The following TMCO1 variants were observed in gnomAD, a reference collection of about 807,000 sequenced individuals.
TMCO1 encodes calcium load-activated calcium channel.
In TMCO1, 29 loss-of-function variants were observed where a neutral mutation model predicts 29.3. That is an observed-to-expected ratio of 0.99 (90% CI 0.74 to 1.35). The LOEUF is 1.35. Ranked by LOEUF, TMCO1 falls within the 40% of genes most tolerant of loss-of-function variation. The pLI, the probability that TMCO1 is intolerant of heterozygous loss-of-function variation, is 0.00. For missense variants in TMCO1, 173 were observed against 225.5 expected, an observed-to-expected ratio of 0.77 and a Z score of 1.49; for synonymous variants, 80 against 77.1, an observed-to-expected ratio of 1.04 and a Z score of -0.20.
Position 165,768,279 on chromosome 1 carries a change from T to G in TMCO1, c.71-10A>C. ...AGGACCCAGGTTATGCCTAAAACAT[T>G]AAAAGCAACATGTTAATAGAGAAAT... On this transcript the variant is annotated splice_polypyrimidine_tract_variant and intron_variant, in intron 1 of 6. Transcript: ENST00000367881. 6.2e-7 allele frequency: 1 copy of G among 1,610,254 alleles called. No homozygotes were observed. Among genetic ancestry groups the G allele is most frequent in the Non-Finnish European group, 8.5e-7 (1 of 1,176,622 alleles).
chr1:165,747,037 G>C (rs1651823819), intron 5 of TMCO1, among the ~76,000 whole-genome samples: 1 of 152,058 alleles, frequency 6.6e-6, no homozygotes, highest in Non-Finnish European at 1.5e-5. Context: ...GAGGCAGGTG[G>C]ATCACTTGAG....
chr1:165,726,102 ATGTTT>A, downstream of TMCO1: 1 of 697,176 alleles, frequency 1.4e-6, no homozygotes, highest in Middle Eastern at 3.7e-4. Flanking sequence ...GGATGGTTTC[ATGTTT>A]TATTTTAGCC....
chr1:165,724,820 CAT>C (rs1200443140), downstream of TMCO1: 1 of 453,724 alleles, frequency 2.2e-6, no homozygotes. Flanking sequence ...TCAGATTACA[CAT>C]ATTTTTTAAA....
At chr1:165,724,433 ACTT>A (rs1237485289), downstream of TMCO1, 1 of 454,014 alleles carries the variant, frequency 2.2e-6, no homozygotes, top group Non-Finnish European at 4.4e-6. Flanking sequence ...AAACAACACA[ACTT>A]CTTCAACAAA....
At chr1:165,743,134 T>C (rs772287678) in intron 6 of TMCO1, 33 bp downstream of exon 6, 1 of 1,612,474 alleles carries the variant, frequency 6.2e-7, no homozygotes, top group Non-Finnish European at 8.5e-7. Context: ...CAAGGAAAAA[T>C]ATACATATTA....
chr1:165,760,276 C>G (rs776120551), intron 2 of TMCO1, among the ~76,000 whole-genome samples: 3 of 151,840 alleles, frequency 2.0e-5, no homozygotes, highest in Admixed American at 6.6e-5. Flanking sequence ...AAAAAACATA[C>G]AAAAATTAGC....
intron 2 of TMCO1, among the ~76,000 whole-genome samples, chr1:165,766,631 T>C (rs139777732): frequency 7.3e-4 from 111 of 152,136 alleles, no homozygotes; most frequent in African/African-American, 2.5e-3. Context: ...CTCCAAAATA[T>C]CAGCCAGTCA....
intron 4 of TMCO1, among the ~76,000 whole-genome samples, chr1:165,753,345 C>T (rs931119580): frequency 6.6e-6 from 1 of 151,736 alleles, no homozygotes; most frequent in African/African-American, 2.4e-5. Flanking sequence ...TGGTGGCACA[C>T]GCCTGTAATC....
chr1:165,726,558 C>A (rs1558025793), downstream of TMCO1: 4 of 470,468 alleles, frequency 8.5e-6, no homozygotes, highest in Non-Finnish European at 1.7e-5. Context: ...TTACTAACCT[C>A]CCCTGCCCCA....
chr1:165,750,898 C>T lies in TMCO1; in HGVS notation c.323+1204G>A, dbSNP rs146563786. On this transcript the variant is annotated intron_variant, in intron 5 of 6. Transcript: ENST00000367881. ...CAGCCTGGCCAACATGGTGAAACCC[C>T]GTCTCTACCAAAAATACAAAAAGTA... Among the ~76,000 whole-genome samples the T allele has an allele frequency of 3.5e-3, 526 of 151,992 alleles. 5 individuals carry two copies. The highest frequency in any genetic ancestry group is 0.012 in the African/African-American group (496 of 41,444).
At chr1:165,752,790 G>A (rs1413356828) in intron 4 of TMCO1, among the ~76,000 whole-genome samples, 5 of 149,664 alleles carry the variant, frequency 3.3e-5, no homozygotes, top group South Asian at 2.1e-4. Context: ...GTGAGACTCC[G>A]TCTCAAAAAA....
At chr1:165,749,080 C>T (rs1651905157) in intron 5 of TMCO1, among the ~76,000 whole-genome samples, 1 of 152,178 alleles carries the variant, frequency 6.6e-6, no homozygotes, top group South Asian at 2.1e-4. Flanking sequence ...TTTATCCTTT[C>T]ACCTACCGAA....
intron 5 of TMCO1, among the ~76,000 whole-genome samples, chr1:165,747,827 A>T (rs1273290670): frequency 6.6e-6 from 1 of 152,186 alleles, no homozygotes; most frequent in Admixed American, 6.5e-5. Context: ...TCATCTGTAA[A>T]ATAAAGATTA....
chr1:165,724,948 G>A (rs1181856678), downstream of TMCO1: 4 of 451,790 alleles, frequency 8.9e-6, no homozygotes, highest in Admixed American at 4.7e-5. Context: ...ATTGTCGAAG[G>A]TGGAGGATGG....
At chr1:165,726,139 T>A (rs2101780460), downstream of TMCO1, 1 of 695,610 alleles carries the variant, frequency 1.4e-6, no homozygotes, top group East Asian at 2.7e-5. Context: ...GTCATTATTG[T>A]TATCATGGGC....
chr1:165,739,770 T>C (rs1340372558), intron 6 of TMCO1, among the ~76,000 whole-genome samples: 4 of 152,038 alleles, frequency 2.6e-5, no homozygotes, highest in African/African-American at 4.8e-5. Flanking sequence ...GCATCTAAGA[T>C]TACTATTGAT....
Position 165,727,311 on chromosome 1 carries a change from A to G in TMCO1, c.*712T>C, listed in dbSNP as rs1448089164. ...ATTTATATTTAATTTTTTTTCAGACATCAGTGTTACTTGCCAAGACCCTCA... is the reference window on the plus strand; with the variant it reads ...ATTTATATTTAATTTTTTTTCAGACGTCAGTGTTACTTGCCAAGACCCTCA... On this transcript the variant is annotated 3_prime_UTR_variant, in exon 7 of 7. Transcript: ENST00000367881. 1 of 452,580 alleles carries G rather than the reference A, an allele frequency of 2.2e-6. No individual in the cohort carries two copies. The highest frequency in any genetic ancestry group is 2.0e-5 in the African/African-American group (1 of 49,952). 28.0% of individuals were successfully genotyped at this position (452,580 alleles called of 1,614,324 possible). A position where few individuals can be genotyped will look rare whatever the true frequency, so the allele number is the denominator to read the frequency against.
intron 2 of TMCO1, 72 bp from the exon 3 acceptor site, chr1:165,759,656 G>C (rs1237370287): frequency 5.3e-6 from 7 of 1,309,810 alleles, no homozygotes; most frequent in Middle Eastern, 2.0e-4. Flanking sequence ...CTTTATCACA[G>C]CTGAACCAAT....
In TMCO1 at chr1:165,727,887, C is replaced by A. The variant is rs1244355082; in HGVS notation, c.*136G>T. 4.6e-6 allele frequency: 3 copies of A among 649,852 alleles called. No individual in the cohort carries two copies. The highest frequency in any genetic ancestry group is 5.5e-6 in the Non-Finnish European group (2 of 365,220). 40.3% of individuals were successfully genotyped at this position (649,852 alleles called of 1,614,324 possible). A position where few individuals can be genotyped will look rare whatever the true frequency, so the allele number is the denominator to read the frequency against. ...CTGCCATTTTCACTCTAATCATACC[C>A]AAAAGGCTTAGAAATAATTCAAAAC... is the stretch of plus-strand genomic sequence containing the variant. On this transcript the variant is annotated 3_prime_UTR_variant, in exon 7 of 7. Transcript: ENST00000367881.
Sources: gnomAD v4.1 joint callset for allele counts (sites outside exome capture counted in the v4.1 genomes callset) on GRCh38, gnomAD v4.1.1 for gene constraint, MANE v1.5 for transcripts, NCBI Gene and HGNC (gene_info 2026-07-23, HGNC 2026-07-21) for gene names.